The following SLC41A2 variants were observed in gnomAD, a reference collection of about 807,000 sequenced individuals.
SLC41A2 encodes the protein solute carrier family 41 member 2, also known as SLC41A1-like 1.
Under a neutral mutation model 58.3 loss-of-function variants are expected in SLC41A2, and 32 were observed. That is an observed-to-expected ratio of 0.55 (90% CI 0.41 to 0.74). SLC41A2 has a LOEUF of 0.74. SLC41A2 is among the 30% of genes least tolerant of loss of function. The pLI is 0.00. For synonymous variants in SLC41A2, 190 were observed against 235.0 expected (o/e 0.81, Z 1.75); for missense variants, 514 against 680.6 (o/e 0.76, Z 2.72).
intron 1 of SLC41A2, among the ~76,000 whole-genome samples, chr12:104,949,444 T>A (rs1275995124): frequency 6.6e-6 from 1 of 152,228 alleles, no homozygotes; most frequent in African/African-American, 2.4e-5. Context: ...AAGATTTACA[T>A]ACAGATTTAC....
intron 2 of SLC41A2, among the ~76,000 whole-genome samples, chr12:104,912,047 GACTC>G (rs1362963670): frequency 1.1e-4 from 17 of 151,994 alleles, no homozygotes. Flanking sequence ...CTGTTCTTTA[GACTC>G]ACTCACTTAA....
intron 6 of SLC41A2, among the ~76,000 whole-genome samples, chr12:104,871,249 G>T (rs527785070): frequency 2.6e-5 from 4 of 152,178 alleles, no homozygotes; most frequent in Non-Finnish European, 5.9e-5. Context: ...GTACACACAA[G>T]AATTAGATAG....
intron 1 of SLC41A2, among the ~76,000 whole-genome samples, chr12:104,945,175 C>A (rs375378217): frequency 1.3e-3 from 194 of 147,300 alleles, no homozygotes; most frequent in Admixed American, 2.4e-3. Context: ...ATCACACACA[C>A]AAAAAATAAT....
chr12:104,875,263 T>C (rs1005608045), intron 6 of SLC41A2, among the ~76,000 whole-genome samples: 2 of 152,162 alleles, frequency 1.3e-5, no homozygotes, highest in African/African-American at 4.8e-5. Context: ...AGCCTATAGT[T>C]TTCATTTATT....
chr12:104,872,387 A>C (rs2043829671), intron 6 of SLC41A2, among the ~76,000 whole-genome samples: 1 of 152,200 alleles, frequency 6.6e-6, no homozygotes, highest in Non-Finnish European at 1.5e-5. Context: ...GGAAAATTGC[A>C]TATTTACTTC....
At position 104,833,175 on chromosome 12, in the gene SLC41A2, C is replaced by T. The variant is rs115562398; in HGVS notation, c.1536+11297G>A. Reference sequence around the variant, plus strand: ...GAAAAGACTGATTGTTCTTTAGCCACAGTAACGAGTAGCCACCACAACTGG... The same window carrying T: ...GAAAAGACTGATTGTTCTTTAGCCATAGTAACGAGTAGCCACCACAACTGG... On this transcript the variant is annotated intron_variant, in intron 10 of 10. Coordinates refer to ENST00000258538, the MANE Select transcript of SLC41A2 (RefSeq NM_001352171.3). 9.0e-3 allele frequency among the ~76,000 whole-genome samples: 1,365 copies of T among 152,292 alleles called. 23 individuals are homozygous for T. The highest frequency in any genetic ancestry group is 0.031 in the African/African-American group (1,272 of 41,554).
intron 1 of SLC41A2, among the ~76,000 whole-genome samples, chr12:104,947,159 C>G (rs533129432): frequency 4.0e-5 from 6 of 149,368 alleles, no homozygotes; most frequent in Non-Finnish European, 8.9e-5. Context: ...AAATGTTGTA[C>G]GCTGCTGTAC....
chr12:104,890,615 T>C (rs1025262944), intron 4 of SLC41A2, among the ~76,000 whole-genome samples: 1 of 152,100 alleles, frequency 6.6e-6, no homozygotes, highest in African/African-American at 2.4e-5. Context: ...AAATAATGAC[T>C]AACTGAAAAA....
intron 6 of SLC41A2, among the ~76,000 whole-genome samples, chr12:104,873,841 T>C (rs544003935): frequency 6.6e-6 from 1 of 152,296 alleles, no homozygotes; most frequent in Admixed American, 6.5e-5. Flanking sequence ...GGGAAATGTC[T>C]ACTCAGGTCC....
chr12:104,889,464 G>A (rs1300273648), intron 4 of SLC41A2, among the ~76,000 whole-genome samples: 3 of 152,092 alleles, frequency 2.0e-5, no homozygotes, highest in African/African-American at 7.2e-5. Flanking sequence ...GATCACCTAA[G>A]AAAATGCCAC....
chr12:104,838,553 A>G (rs992140068), intron 10 of SLC41A2, among the ~76,000 whole-genome samples: 2 of 152,226 alleles, frequency 1.3e-5, no homozygotes, highest in Non-Finnish European at 2.9e-5. Context: ...AATTATATTA[A>G]TAAAAAGTAT....
intron 10 of SLC41A2, among the ~76,000 whole-genome samples, chr12:104,820,644 A>T (rs997532087): frequency 6.0e-5 from 9 of 151,192 alleles, no homozygotes; most frequent in South Asian, 4.2e-4. Context: ...AATGTAGGGA[A>T]TTTTTTTCTT....
At chr12:104,816,650 C>T (rs921247925) in intron 10 of SLC41A2, among the ~76,000 whole-genome samples, 2 of 152,180 alleles carry the variant, frequency 1.3e-5, no homozygotes, top group Admixed American at 6.5e-5. Flanking sequence ...AAGAAATAAA[C>T]CAGCCCCCAC....
intron 2 of SLC41A2, among the ~76,000 whole-genome samples, chr12:104,913,907 G>A (rs1010899494): frequency 6.6e-6 from 1 of 152,022 alleles, no homozygotes; most frequent in Non-Finnish European, 1.5e-5. Context: ...CCCCATCTCT[G>A]CAAAAATTAG....
At chr12:104,844,683 GT>G in intron 9 of SLC41A2, 63 bp from the exon 10 acceptor site, 1 of 871,602 alleles carries the variant, frequency 1.1e-6, no homozygotes, top group Non-Finnish European at 1.6e-6. Flanking sequence ...ATAGGTCATA[GT>G]TATTAAAATT....
At chr12:104,930,274 G>A (rs2047003636) in intron 1 of SLC41A2, among the ~76,000 whole-genome samples, 1 of 152,152 alleles carries the variant, frequency 6.6e-6, no homozygotes, top group South Asian at 2.1e-4. Flanking sequence ...CAGAAAGTTG[G>A]TGTTTAAAGA....
At chr12:104,886,265 C>T (rs1412279086) in intron 6 of SLC41A2, 28 bp downstream of exon 6, 5 of 1,606,504 alleles carry the variant, frequency 3.1e-6, no homozygotes, top group Non-Finnish European at 4.3e-6. Context: ...TGAGACAACA[C>T]ACAATATTTA....
intron 2 of SLC41A2, among the ~76,000 whole-genome samples, chr12:104,914,901 G>A (rs2046244684): frequency 6.6e-6 from 1 of 152,222 alleles, no homozygotes; most frequent in Non-Finnish European, 1.5e-5. Context: ...TTCCTGTCAA[G>A]AGGACATAAT....
intron 10 of SLC41A2, among the ~76,000 whole-genome samples, chr12:104,816,928 C>T (rs904381673): frequency 1.3e-5 from 2 of 152,126 alleles, no homozygotes; most frequent in African/African-American, 2.4e-5. Context: ...TTGTATATAA[C>T]GTATGCATAT....
Sources: allele counts gnomAD v4.1 joint callset (sites outside exome capture counted in the v4.1 genomes callset), GRCh38; gene constraint gnomAD v4.1.1; transcripts MANE v1.5; gene names NCBI Gene and HGNC (gene_info 2026-07-23, HGNC 2026-07-21).